The following STOX2 variants were observed in gnomAD, a reference collection of about 807,000 sequenced individuals.
STOX2 encodes storkhead-box protein 2.
Under a neutral mutation model 60.9 loss-of-function variants are expected in STOX2, and 28 were observed. That is an observed-to-expected ratio of 0.46 (90% confidence interval 0.34 to 0.63). The LOEUF (loss-of-function observed/expected upper bound fraction) is 0.63. STOX2 is among the 30% of genes least tolerant of loss of function. STOX2 has a pLI of 0.01. For missense variants in STOX2, 1,024 were observed against 1,187.7 expected (o/e 0.86, Z 2.03); for synonymous variants, 472 against 463.9 (o/e 1.02, Z -0.22).
rs111378316 is a variant in STOX2, at chr4:184,000,486, C to G, written c.167-839C>G. Among the ~76,000 whole-genome samples the G allele has an allele frequency of 2.8e-4, 42 of 152,302 alleles. 1 individual carries two copies. The highest frequency in any genetic ancestry group is 8.4e-4 in the African/African-American group (35 of 41,554). On this transcript the variant is annotated intron_variant, in intron 1 of 3. Coordinates refer to ENST00000308497, the MANE Select transcript of STOX2 (RefSeq NM_020225.3). Reference sequence around the variant, plus strand: ...ACCACAGTCATCTTTCTGAAATCCACACCTGCCTTCAGCCTTCCATGGCTC... The same window carrying G: ...ACCACAGTCATCTTTCTGAAATCCAGACCTGCCTTCAGCCTTCCATGGCTC...
intron 1 of STOX2, among the ~76,000 whole-genome samples, chr4:183,977,113 G>A (rs1732475346): frequency 6.6e-6 from 1 of 152,126 alleles, no homozygotes; most frequent in South Asian, 2.1e-4. Context: ...GTAAAGTCTG[G>A]GCTTTTAGTG....
At chr4:183,984,280 G>A (rs989689396) in intron 1 of STOX2, among the ~76,000 whole-genome samples, 1 of 152,158 alleles carries the variant, frequency 6.6e-6, no homozygotes, top group East Asian at 1.9e-4. Flanking sequence ...TGGCCTTTCC[G>A]TGGAAGCCAT....
chr4:183,859,944 A>G (rs1428783607), intron 1 of STOX2, among the ~76,000 whole-genome samples: 2 of 152,038 alleles, frequency 1.3e-5, no homozygotes, highest in African/African-American at 4.8e-5. Flanking sequence ...TTAGATATTT[A>G]CTGACAGAAT....
chr4:183,987,777 A>G (rs1732911857), intron 1 of STOX2: 1 of 152,264 alleles, frequency 6.6e-6, no homozygotes, highest in African/African-American at 2.4e-5. Flanking sequence ...CGGCAACTGG[A>G]ATTTATGACA....
chr4:183,850,867 GGAAAGGATGAGA>G lies in STOX2; in HGVS notation c.364+52829_364+52840del, dbSNP rs1560845178. ...GAGAAAGGATGAGGGAAAGGATGAG[GGAAAGGATGAGA>G]GAAAGGATGAGAGAAACGATGAGGG... On this transcript the variant is annotated intron_variant, in intron 1 of 2. Coordinates refer to the STOX2 transcript ENST00000513034. 3.7e-3 allele frequency among the ~76,000 whole-genome samples: 509 copies of G among 138,342 alleles called. 1 individual carries two copies. Among genetic ancestry groups the G allele is most frequent in the African/African-American group, 0.013 (475 of 36,924 alleles). The allele number at this position is 138,342 out of a possible 152,430, so 90.8% of individuals were successfully genotyped here. A position where few individuals can be genotyped will look rare whatever the true frequency, so the allele number is the denominator to read the frequency against.
intron 1 of STOX2, among the ~76,000 whole-genome samples, chr4:183,827,168 C>A (rs987186037): frequency 1.3e-5 from 2 of 152,032 alleles, no homozygotes; most frequent in African/African-American, 4.8e-5. Context: ...AAAAATAACC[C>A]CTATTTTATT....
At chr4:183,956,340 T>G (rs1246560430) in intron 1 of STOX2, among the ~76,000 whole-genome samples, 3 of 152,144 alleles carry the variant, frequency 2.0e-5, no homozygotes, top group Non-Finnish European at 4.4e-5. Context: ...ATTTACTAAT[T>G]GTTAACATTT....
chr4:183,971,941 C>A (rs1280092854), intron 1 of STOX2, among the ~76,000 whole-genome samples: 1 of 152,192 alleles, frequency 6.6e-6, no homozygotes, highest in Non-Finnish European at 1.5e-5. Flanking sequence ...AACTGTATCA[C>A]CTGGCATAGA....
chr4:183,812,523 G>A (rs953452396), intron 1 of STOX2, among the ~76,000 whole-genome samples: 2 of 152,082 alleles, frequency 1.3e-5, no homozygotes, highest in Admixed American at 6.6e-5. Flanking sequence ...TTTATTAGTA[G>A]AAACTCAGTT....
At chr4:183,871,074 C>A (rs771073446) in intron 1 of STOX2, among the ~76,000 whole-genome samples, 3 of 152,150 alleles carry the variant, frequency 2.0e-5, no homozygotes, top group Non-Finnish European at 4.4e-5. Context: ...TTAACTAATA[C>A]GAGACTGCAG....
intron 1 of STOX2, among the ~76,000 whole-genome samples, chr4:183,808,957 T>C (rs7691088): frequency 0.29 from 43,539 of 152,158 alleles, 7,403 homozygotes; most frequent in African/African-American, 0.48. Context: ...GGGGTCTTGA[T>C]TGCTTTGAAT....
At chr4:183,910,732 G>T (rs1227779567) in intron 1 of STOX2, among the ~76,000 whole-genome samples, 1 of 152,170 alleles carries the variant, frequency 6.6e-6, no homozygotes, top group Non-Finnish European at 1.5e-5. Flanking sequence ...AGTAAAGCGT[G>T]CGTTTTTAAT....
At chr4:183,941,374 T>G (rs1477798429) in intron 1 of STOX2, among the ~76,000 whole-genome samples, 1 of 152,036 alleles carries the variant, frequency 6.6e-6, no homozygotes, top group Non-Finnish European at 1.5e-5. Flanking sequence ...TTGAGACCAG[T>G]CTGGGTAACA....
At chr4:183,929,763 C>T (rs967392146) in intron 1 of STOX2, among the ~76,000 whole-genome samples, 3 of 152,172 alleles carry the variant, frequency 2.0e-5, no homozygotes, top group African/African-American at 7.2e-5. Flanking sequence ...AAACGTATTT[C>T]TGAGGTACAA....
intron 1 of STOX2, among the ~76,000 whole-genome samples, chr4:183,819,554 A>C (rs1287158984): frequency 3.4e-5 from 3 of 88,586 alleles, no homozygotes; most frequent in Middle Eastern, 6.5e-3. Flanking sequence ...GGAGAGGGAG[A>C]CTGTGGGGAG....
intron 1 of STOX2, among the ~76,000 whole-genome samples, chr4:183,962,240 G>T (rs952805678): frequency 2.0e-5 from 3 of 152,170 alleles, no homozygotes; most frequent in African/African-American, 7.2e-5. Context: ...AGGCTGTAAA[G>T]ATTCCCTTAC....
intron 1 of STOX2, among the ~76,000 whole-genome samples, chr4:183,972,155 CTG>C (rs1474629236): frequency 6.6e-6 from 1 of 152,214 alleles, no homozygotes; most frequent in Non-Finnish European, 1.5e-5. Context: ...ACATCCAAAA[CTG>C]TGCGTGCTGG....
intron 1 of STOX2, chr4:183,798,150 G>A (rs907212886): frequency 4.3e-6 from 5 of 1,158,034 alleles, no homozygotes; most frequent in Non-Finnish European, 5.4e-6. Context: ...CCAGCCCGCC[G>A]CGGGCACCGC....
At chr4:184,007,465 G>A (rs925977843) in intron 2 of STOX2, among the ~76,000 whole-genome samples, 2 of 152,306 alleles carry the variant, frequency 1.3e-5, no homozygotes, top group South Asian at 2.1e-4. Context: ...AGCACTCTCT[G>A]TGTGCCAGGC....
Sources: allele counts gnomAD v4.1 joint callset (sites outside exome capture counted in the v4.1 genomes callset), GRCh38; gene constraint gnomAD v4.1.1; transcripts MANE v1.5; gene names NCBI Gene and HGNC (gene_info 2026-07-23, HGNC 2026-07-21).